The following SLC35F3 variants were observed in gnomAD, a reference collection of about 807,000 sequenced individuals.
SLC35F3 encodes the protein putative thiamine transporter SLC35F3.
In SLC35F3, 25 loss-of-function variants were observed where a neutral mutation model predicts 49.9. The observed-to-expected ratio is 0.50, with a 90% CI of 0.37 to 0.70. SLC35F3 has a LOEUF of 0.70. Ranked by LOEUF, SLC35F3 falls within the 30% of genes least tolerant of loss-of-function variation. The probability of loss-of-function intolerance (pLI) is 0.00; values close to 1 mark genes in which losing one functional copy is unlikely to be tolerated. For missense variants in SLC35F3, 525 were observed against 639.8 expected (o/e 0.82, Z 1.94); for synonymous variants, 275 against 265.4 (o/e 1.04, Z -0.35).
intron 2 of SLC35F3, among the ~76,000 whole-genome samples, chr1:233,980,958 G>T (rs957205888): frequency 2.0e-5 from 3 of 152,124 alleles, no homozygotes; most frequent in South Asian, 2.1e-4. Context: ...AGAAACTAAA[G>T]CATAGATAAA....
intron 2 of SLC35F3, among the ~76,000 whole-genome samples, chr1:234,168,331 T>A (rs1315734775): frequency 2.0e-5 from 3 of 152,368 alleles, no homozygotes; most frequent in East Asian, 1.9e-4. Context: ...TGCAACTGGA[T>A]GGCCTTCAGA....
At chr1:234,049,352 C>T (rs1436690198) in intron 2 of SLC35F3, among the ~76,000 whole-genome samples, 2 of 152,070 alleles carry the variant, frequency 1.3e-5, no homozygotes, top group African/African-American at 4.8e-5. Flanking sequence ...CTCTCTCTAT[C>T]TCCTCTCTCT....
intron 2 of SLC35F3, among the ~76,000 whole-genome samples, chr1:234,006,570 T>G (rs185036261): frequency 3.3e-5 from 5 of 152,374 alleles, no homozygotes; most frequent in African/African-American, 9.6e-5. Flanking sequence ...TACTAAAGTA[T>G]ATGGTGTGTG....
At chr1:233,940,179 T>A (rs1043317534) in intron 2 of SLC35F3, among the ~76,000 whole-genome samples, 2 of 152,178 alleles carry the variant, frequency 1.3e-5, no homozygotes, top group Non-Finnish European at 2.9e-5. Flanking sequence ...AATCTATGTA[T>A]GCATATATTA....
chr1:234,095,166 A>G (rs1665098641), intron 2 of SLC35F3, among the ~76,000 whole-genome samples: 1 of 152,192 alleles, frequency 6.6e-6, no homozygotes, highest in African/African-American at 2.4e-5. Context: ...AGAGAAGAAG[A>G]GAGAAAATGA....
chr1:234,137,041 G>C lies in SLC35F3; in HGVS notation c.284-94376G>C, dbSNP rs146085483. 6.4e-3 allele frequency among the ~76,000 whole-genome samples: 970 copies of C among 152,332 alleles called. 15 individuals are homozygous for C. Among genetic ancestry groups the C allele is most frequent in the African/African-American group, 0.022 (918 of 41,566 alleles). ...CTTTTGGAGTTGATGAAATGAATTA[G>C]TAGACATGGCTCCAGCTTTAGGGAC... On this transcript the variant is annotated intron_variant, in intron 2 of 7. Transcript: ENST00000366618.
At chr1:234,203,508 C>T (rs1240387362) in intron 2 of SLC35F3, among the ~76,000 whole-genome samples, 4 of 152,086 alleles carry the variant, frequency 2.6e-5, no homozygotes, top group Non-Finnish European at 4.4e-5. Context: ...GTCAGGAGTT[C>T]GAGACCAGCC....
chr1:234,145,142 C>T (rs547213756), intron 2 of SLC35F3, among the ~76,000 whole-genome samples: 1 of 152,310 alleles, frequency 6.6e-6, no homozygotes, highest in East Asian at 1.9e-4. Context: ...GAGGAAATTC[C>T]TTGGAACCTC....
chr1:233,949,087 C>T (rs1179775047), intron 2 of SLC35F3, among the ~76,000 whole-genome samples: 1 of 152,064 alleles, frequency 6.6e-6, no homozygotes, highest in Non-Finnish European at 1.5e-5. Context: ...TCTGTCCATT[C>T]CATCATGTAG....
Position 234,082,089 on chromosome 1 carries a change from C to G in SLC35F3, c.284-149328C>G, listed in dbSNP as rs16842519. Among the ~76,000 whole-genome samples the G allele has an allele frequency of 6.5e-3, 981 of 151,792 alleles. 16 individuals carry two copies. The highest frequency in any genetic ancestry group is 0.023 in the African/African-American group (933 of 41,370). On this transcript the variant is annotated intron_variant, in intron 2 of 7. Transcript: ENST00000366618. ...ATCTTTTCTAGCAATGCTTTCTGCA[C>G]TTACTCACTGAGGTCAAAGAGGGAC...
intron 2 of SLC35F3, among the ~76,000 whole-genome samples, chr1:233,995,494 G>T (rs1468385794): frequency 2.0e-5 from 3 of 152,200 alleles, no homozygotes; most frequent in African/African-American, 7.2e-5. Flanking sequence ...TGTTAAGGAT[G>T]CCTGATCCCT....
At chr1:233,905,807 C>A (rs1661766979) in intron 2 of SLC35F3, 49 bp downstream of exon 2, 1 of 1,518,872 alleles carries the variant, frequency 6.6e-7, no homozygotes, top group Non-Finnish European at 9.0e-7. Context: ...CATCTTCTTA[C>A]CATTGTCACA....
intron 2 of SLC35F3, among the ~76,000 whole-genome samples, chr1:234,105,003 C>A (rs935890666): frequency 6.6e-6 from 1 of 152,012 alleles, no homozygotes; most frequent in Admixed American, 6.6e-5. Context: ...TGGCGGGCAC[C>A]TGTAGTCCCA....
chr1:234,276,263 G>A lies in SLC35F3; in HGVS notation c.609-32838G>A, dbSNP rs116748907. Among the ~76,000 whole-genome samples the A allele has an allele frequency of 6.0e-4, 92 of 152,076 alleles. 4 individuals carry two copies. Among genetic ancestry groups the A allele is most frequent in the East Asian group, 2.9e-3 (15 of 5,178 alleles). ...AAATGCTGAAATCTAGTATATTTCC[G>A]GTCCTCCAACATGATGCGGCTATGG... is the stretch of plus-strand genomic sequence containing the variant. On this transcript the variant is annotated intron_variant, in intron 3 of 7. Coordinates refer to ENST00000366618, the MANE Select transcript of SLC35F3 (RefSeq NM_173508.4).
chr1:234,120,704 T>C (rs529515789), intron 2 of SLC35F3, among the ~76,000 whole-genome samples: 1 of 152,336 alleles, frequency 6.6e-6, no homozygotes, highest in South Asian at 2.1e-4. Context: ...CTCCTTCTTC[T>C]CAGCCAAGGA....
At chr1:234,207,424 C>CCT (rs1666988710) in intron 2 of SLC35F3, among the ~76,000 whole-genome samples, 1 of 70,194 alleles carries the variant, frequency 1.4e-5, no homozygotes, top group African/African-American at 5.7e-5. Context: ...CTTTCTCCCT[C>CCT]CCTCTTTCCT....
At chr1:234,151,342 A>C (rs1666073453) in intron 2 of SLC35F3, among the ~76,000 whole-genome samples, 1 of 152,098 alleles carries the variant, frequency 6.6e-6, no homozygotes, top group African/African-American at 2.4e-5. Flanking sequence ...TAGAAAAATC[A>C]ATTTCACAGG....
chr1:234,176,000 A>C (rs1209159582), intron 2 of SLC35F3, among the ~76,000 whole-genome samples: 1 of 152,186 alleles, frequency 6.6e-6, no homozygotes, highest in Non-Finnish European at 1.5e-5. Context: ...CCCTTCAAAG[A>C]TTCCACCTGC....
intron 2 of SLC35F3, among the ~76,000 whole-genome samples, chr1:233,989,677 A>G (rs1378824140): frequency 1.3e-5 from 2 of 152,234 alleles, no homozygotes; most frequent in African/African-American, 4.8e-5. Context: ...GTTAAAACTC[A>G]TACCTAAACT....
Sources: allele counts gnomAD v4.1 joint callset (sites outside exome capture counted in the v4.1 genomes callset), GRCh38; gene constraint gnomAD v4.1.1; transcripts MANE v1.5; gene names NCBI Gene and HGNC (gene_info 2026-07-23, HGNC 2026-07-21).